Variants in LINGO2 observed in about 807,000 individuals in gnomAD.
The protein encoded by LINGO2 is leucine-rich repeat and immunoglobulin-like domain-containing nogo receptor-interacting protein 2.
LINGO2 carries 14 observed loss-of-function variants against 30.6 expected under a neutral mutation model. The observed-to-expected ratio is 0.46, with a 90% confidence interval of 0.30 to 0.72. The LOEUF (loss-of-function observed/expected upper bound fraction) is 0.72. LINGO2 is among the 30% of genes least tolerant of loss of function. The pLI, the probability that LINGO2 is intolerant of heterozygous loss-of-function variation, is 0.07. For synonymous variants in LINGO2, 317 were observed against 288.5 expected, an observed-to-expected ratio of 1.10 and a Z score of -1.00; for missense variants, 729 against 751.7, an observed-to-expected ratio of 0.97 and a Z score of 0.35.
chr9:28,602,418 C>T (rs966716554), intron 1 of LINGO2, among the ~76,000 whole-genome samples: 5 of 151,926 alleles, frequency 3.3e-5, no homozygotes, highest in African/African-American at 1.2e-4. Context: ...GGATAGAGAC[C>T]CAGTTATCAA....
At chr9:28,591,402 T>A (rs996407447) in intron 1 of LINGO2, among the ~76,000 whole-genome samples, 4 of 151,820 alleles carry the variant, frequency 2.6e-5, no homozygotes, top group Admixed American at 2.6e-4. Flanking sequence ...CAGAAAAAAA[T>A]AATAATAAGC....
At chr9:28,613,237 T>C (rs780951733) in intron 1 of LINGO2, among the ~76,000 whole-genome samples, 37 of 152,086 alleles carry the variant, frequency 2.4e-4, no homozygotes, top group Non-Finnish European at 5.0e-4. Context: ...ACAGATACTT[T>C]TGTGGGGAAG....
At chr9:28,278,534 T>C (rs938243828) in intron 4 of LINGO2, among the ~76,000 whole-genome samples, 8 of 152,182 alleles carry the variant, frequency 5.3e-5, no homozygotes, top group South Asian at 2.1e-4. Flanking sequence ...TTAAGAAATA[T>C]GTTAAATCTA....
the LINGO2 span, among the ~76,000 whole-genome samples, chr9:29,075,344 A>G: frequency 6.6e-6 from 1 of 152,172 alleles, no homozygotes; most frequent in African/African-American, 2.4e-5. Context: ...TTTTATAAAC[A>G]TTCTCTTTTC....
intron 1 of LINGO2, among the ~76,000 whole-genome samples, chr9:28,640,563 T>C (rs1827523805): frequency 6.6e-6 from 1 of 151,866 alleles, no homozygotes; most frequent in Non-Finnish European, 1.5e-5. Context: ...CTTCTCACTT[T>C]ATTTCATTCA....
At chr9:28,713,749 A>C in the LINGO2 span, among the ~76,000 whole-genome samples, 21 of 152,266 alleles carry the variant, frequency 1.4e-4, 1 homozygote, top group Middle Eastern at 3.4e-3. Flanking sequence ...CTACCACAAT[A>C]AAGAAAGCTT....
chr9:28,094,408 T>C (rs138864383), intron 4 of LINGO2, among the ~76,000 whole-genome samples: 6 of 152,244 alleles, frequency 3.9e-5, no homozygotes, highest in African/African-American at 1.4e-4. Flanking sequence ...CTTCGGTGTA[T>C]GCCAGCACTT....
chr9:28,876,615 G>A, the LINGO2 span, among the ~76,000 whole-genome samples: 2 of 152,102 alleles, frequency 1.3e-5, no homozygotes, highest in Non-Finnish European at 1.5e-5. Context: ...ATTCCATGGT[G>A]TATATGTGCC....
intron 2 of LINGO2, among the ~76,000 whole-genome samples, chr9:28,406,210 C>T (rs1822508411): frequency 6.6e-6 from 1 of 151,962 alleles, no homozygotes; most frequent in Non-Finnish European, 1.5e-5. Context: ...AGGAGGTGGG[C>T]AGATCACTTG....
intron 1 of LINGO2, among the ~76,000 whole-genome samples, chr9:28,510,444 A>G (rs1820326563): frequency 6.6e-6 from 1 of 152,168 alleles, no homozygotes; most frequent in Non-Finnish European, 1.5e-5. Flanking sequence ...CTATTCATTA[A>G]GTAAAAATGA....
chr9:28,940,496 CT>C, the LINGO2 span, among the ~76,000 whole-genome samples: 1 of 151,792 alleles, frequency 6.6e-6, no homozygotes, highest in African/African-American at 2.4e-5. Context: ...TGACAAAGAA[CT>C]GTAATTCTAT....
the LINGO2 span, among the ~76,000 whole-genome samples, chr9:28,693,326 C>T: frequency 2.0e-5 from 3 of 152,106 alleles, no homozygotes; most frequent in African/African-American, 7.2e-5. Context: ...TACCATCTCT[C>T]ATTTACTCTT....
the LINGO2 span, among the ~76,000 whole-genome samples, chr9:29,111,911 ATATATT>A: frequency 2.0e-5 from 3 of 150,108 alleles, no homozygotes; most frequent in Non-Finnish European, 4.4e-5. Context: ...GTATATATAC[ATATATT>A]TATATATGTG....
the LINGO2 span, among the ~76,000 whole-genome samples, chr9:29,002,476 G>T: frequency 6.6e-6 from 1 of 152,064 alleles, no homozygotes; most frequent in African/African-American, 2.4e-5. Flanking sequence ...CATACTAAAT[G>T]TGACTGCTTT....
At chr9:28,528,405 A>G (rs546980416) in intron 1 of LINGO2, among the ~76,000 whole-genome samples, 1 of 152,192 alleles carries the variant, frequency 6.6e-6, no homozygotes, top group East Asian at 1.9e-4. Context: ...AGCAATAACA[A>G]AACCCTCAGC....
the LINGO2 span, among the ~76,000 whole-genome samples, chr9:28,905,249 C>T: frequency 6.8e-6 from 1 of 148,084 alleles, no homozygotes; most frequent in Non-Finnish European, 1.5e-5. Flanking sequence ...TATTCATACC[C>T]TTTGAGTATG....
chr9:29,124,465 G>A, the LINGO2 span, among the ~76,000 whole-genome samples: 1 of 152,108 alleles, frequency 6.6e-6, no homozygotes, highest in African/African-American at 2.4e-5. Flanking sequence ...TATCATCAGA[G>A]TGAACAGGCA....
At chr9:28,814,198 G>C in the LINGO2 span, among the ~76,000 whole-genome samples, 1 of 152,122 alleles carries the variant, frequency 6.6e-6, no homozygotes, top group African/African-American at 2.4e-5. Flanking sequence ...CAGAACTTTG[G>C]GAGGCCAAGG....
chr9:28,549,923 C>T (rs1822185185), intron 1 of LINGO2, among the ~76,000 whole-genome samples: 1 of 151,652 alleles, frequency 6.6e-6, no homozygotes, highest in African/African-American at 2.4e-5. Flanking sequence ...TAAAAATTGA[C>T]ATTTCTTTTC....
Sources: gnomAD v4.1 joint callset for allele counts (sites outside exome capture counted in the v4.1 genomes callset) on GRCh38, gnomAD v4.1.1 for gene constraint, MANE v1.5 for transcripts, NCBI Gene and HGNC (gene_info 2026-07-23, HGNC 2026-07-21) for gene names.